RAB23: variants seen among roughly 807,000 people sequenced by gnomAD.
The protein encoded by RAB23 is RAB23, member RAS oncogene family.
Under a neutral mutation model 30.0 loss-of-function variants are expected in RAB23, and 15 were observed. The ratio of observed to expected loss-of-function variants is 0.50; its 90% CI spans 0.33 to 0.77. The LOEUF (loss-of-function observed/expected upper bound fraction) is 0.77, where lower values mean the gene tolerates loss of function less well. Ranked by LOEUF, RAB23 falls within the 30% of genes least tolerant of loss-of-function variation. RAB23 has a pLI of 0.02. For synonymous variants in RAB23, 93 were observed against 94.0 expected, an observed-to-expected ratio of 0.99 and a Z score of 0.06; for missense variants, 243 against 275.4, an observed-to-expected ratio of 0.88 and a Z score of 0.83.
At chr6:57,201,776 T>TA (rs1593216629) in intron 3 of RAB23, among the ~76,000 whole-genome samples, 1 of 152,150 alleles carries the variant, frequency 6.6e-6, no homozygotes, top group Admixed American at 6.5e-5. Flanking sequence ...AAAGTCACAG[T>TA]AAAAAACTGT....
chr6:57,221,265 GC>G (rs1766048978), intron 1 of RAB23: 1 of 152,190 alleles, frequency 6.6e-6, no homozygotes, highest in Non-Finnish European at 1.5e-5. Flanking sequence ...GAAGTTAACA[GC>G]CCTTTTCAGA....
At chr6:57,218,854 C>CAA (rs752945184) in intron 1 of RAB23, among the ~76,000 whole-genome samples, 7 of 89,730 alleles carry the variant, frequency 7.8e-5, no homozygotes, top group Non-Finnish European at 7.0e-5. Flanking sequence ...ATTCTGTCTC[C>CAA]AAAAAAAAAA....
chr6:57,200,354 T>C (rs1211919777), intron 3 of RAB23, among the ~76,000 whole-genome samples: 1 of 151,548 alleles, frequency 6.6e-6, no homozygotes, highest in Non-Finnish European at 1.5e-5. Flanking sequence ...CTGGCCAACA[T>C]AGTGAAACCT....
chr6:57,199,656 C>T (rs1349237736), intron 3 of RAB23, among the ~76,000 whole-genome samples: 1 of 152,118 alleles, frequency 6.6e-6, no homozygotes, highest in Admixed American at 6.6e-5. Context: ...AAAATAAGTC[C>T]TAAGAAGATA....
rs201735614 is a variant in RAB23 at position 57,210,288 on chromosome 6, T to C, written c.93A>G (p.Lys31=). 219 of 1,614,086 alleles carry C rather than the reference T, an allele frequency of 1.4e-4. 1 individual carries two copies. In the East Asian group the frequency reaches 4.6e-3, roughly 34 times the overall value. The change falls in exon 2 of 7, where the codon AAA becomes AAG. Residue 31 remains lysine (K), a synonymous_variant. Transcript: ENST00000468148. The stretch of plus-strand genomic sequence containing the variant: ...TCTTGTAGTCTTTTGTAAAAATGCC[T>C]TTGCAATATCGCTGAATCATACTTG... ...GKSSMIQRYC[K]GIFTKDYKKT...
At chr6:57,221,095 T>C (rs1399720730) in intron 1 of RAB23, among the ~76,000 whole-genome samples, 2 of 152,170 alleles carry the variant, frequency 1.3e-5, no homozygotes, top group Non-Finnish European at 2.9e-5. Flanking sequence ...GTCTAATAAA[T>C]TAGAGAAGCA....
chr6:57,208,626 C>CA (rs1168854982), intron 2 of RAB23, among the ~76,000 whole-genome samples: 1,657 of 45,436 alleles, frequency 0.036, 14 homozygotes, highest in Middle Eastern at 0.085. Context: ...GACTCTGTCT[C>CA]AAAAAAAAAA....
Position 57,204,995 on chromosome 6 carries a change from TAC to T in RAB23, c.241+2631_241+2632del, listed in dbSNP as rs911379273. 1.8e-4 allele frequency among the ~76,000 whole-genome samples: 28 copies of T among 151,670 alleles called. 1 individual carries two copies. Among genetic ancestry groups the T allele is most frequent in the South Asian group, 2.1e-4 (1 of 4,824 alleles). The stretch of plus-strand genomic sequence containing the variant: ...ATACACATACATATGTGTACATATG[TAC>T]AGACATGTTTACATAGATACATACA... On this transcript the variant is annotated intron_variant, in intron 3 of 6. Transcript: ENST00000468148.
intron 2 of RAB23, 128 bp downstream of exon 2, chr6:57,210,098 T>G: frequency 5.4e-6 from 5 of 924,076 alleles, no homozygotes; most frequent in Non-Finnish European, 8.6e-6. Context: ...CCACCATCAC[T>G]GTCGCATGAG....
chr6:57,193,190 A>C (rs975554013), intron 6 of RAB23, among the ~76,000 whole-genome samples: 7 of 152,158 alleles, frequency 4.6e-5, no homozygotes, highest in Admixed American at 3.9e-4. Flanking sequence ...TTGCAATGAA[A>C]ATGGCAAAGG....
At chr6:57,207,579 C>T in intron 3 of RAB23, 49 bp downstream of exon 3, 1 of 1,344,660 alleles carries the variant, frequency 7.4e-7, no homozygotes, top group Non-Finnish European at 1.1e-6. Context: ...ATTTATTTAG[C>T]CAAAATAATA....
Position 57,193,948 on chromosome 6 carries a change from A to C in RAB23, c.482-14T>G. On this transcript the variant is annotated splice_polypyrimidine_tract_variant and intron_variant, in intron 5 of 6. Transcript: ENST00000468148. ...AATACTTAAAAACTAGAATAAAAAG[A>C]AAACACCCAGAACCAGGTCAATGAT... The C allele has an allele frequency of 6.2e-7, 1 of 1,608,790 alleles. No individual in the cohort carries two copies. Among genetic ancestry groups the C allele is most frequent in the Non-Finnish European group, 8.5e-7 (1 of 1,176,678 alleles).
intron 3 of RAB23, 44 bp downstream of exon 3, chr6:57,207,584 A>T: frequency 3.5e-6 from 5 of 1,409,036 alleles, no homozygotes; most frequent in Non-Finnish European, 5.0e-6. Flanking sequence ...TTTAGCCAAA[A>T]TAATATGCCC....
Position 57,210,213 on chromosome 6 carries a change from G to T in RAB23, c.155+13C>A, listed in dbSNP as rs200646464. On this transcript the variant is annotated intron_variant, in intron 2 of 6. Transcript: ENST00000468148. ...AAATCAAAGCCAAAGGAATAAAATG[G>T]CCAAGTACTTACTGAATTTGTCGCT... 1 of 1,611,844 alleles carries T rather than the reference G, an allele frequency of 6.2e-7. No homozygotes were observed. The highest frequency in any genetic ancestry group is 1.7e-5 in the Admixed American group (1 of 60,016).
intron 3 of RAB23, among the ~76,000 whole-genome samples, chr6:57,200,258 G>C (rs1366572465): frequency 6.6e-6 from 1 of 151,462 alleles, no homozygotes; most frequent in Non-Finnish European, 1.5e-5. Context: ...GAATGTCTTG[G>C]CCGGGTGCGG....
intron 3 of RAB23, among the ~76,000 whole-genome samples, chr6:57,205,198 C>T (rs548421496): frequency 6.6e-6 from 1 of 151,082 alleles, no homozygotes; most frequent in African/African-American, 2.4e-5. Flanking sequence ...ATATTACATA[C>T]ATACACATAT....
intron 4 of RAB23, among the ~76,000 whole-genome samples, chr6:57,196,134 T>C (rs1765015951): frequency 1.3e-5 from 2 of 152,196 alleles, no homozygotes; most frequent in South Asian, 4.1e-4. Flanking sequence ...TTTCTTAACA[T>C]TCTTACCATA....
chr6:57,210,641 T>C (rs1449339268), intron 1 of RAB23, among the ~76,000 whole-genome samples, 196 bp from the exon 2 acceptor site: 1 of 152,218 alleles, frequency 6.6e-6, no homozygotes, highest in Non-Finnish European at 1.5e-5. Flanking sequence ...TCCTCATCAA[T>C]AGCGCAATGC....
intron 1 of RAB23, among the ~76,000 whole-genome samples, chr6:57,219,391 G>A (rs1043483352): frequency 5.9e-5 from 9 of 152,172 alleles, no homozygotes; most frequent in Non-Finnish European, 8.8e-5. Context: ...AAAGTAAACA[G>A]CAATTCTCCC....
Sources: gnomAD v4.1 joint callset for allele counts (sites outside exome capture counted in the v4.1 genomes callset) on GRCh38, gnomAD v4.1.1 for gene constraint, MANE v1.5 for transcripts, NCBI Gene and HGNC (gene_info 2026-07-23, HGNC 2026-07-21) for gene names.